MCPH1: variants seen among roughly 807,000 people sequenced by gnomAD.
The protein encoded by MCPH1 is microcephalin.
Under a neutral mutation model 84.5 loss-of-function variants are expected in MCPH1, and 104 were observed. That is an observed-to-expected ratio of 1.23 (90% CI 1.05 to 1.45). MCPH1 has a LOEUF of 1.45. Among genes scored for constraint, MCPH1 ranks in the 40% most tolerant of loss-of-function variants. The pLI, the probability that MCPH1 is intolerant of heterozygous loss-of-function variation, is 0.00. For missense variants in MCPH1, 1,498 were observed against 1,005.7 expected (o/e 1.49, Z -6.62); for synonymous variants, 514 against 366.8 (o/e 1.40, Z -4.58).
At chr8:6,494,562 G>A (rs1018446991) in intron 11 of MCPH1, 1 of 152,162 alleles carries the variant, frequency 6.6e-6, no homozygotes, top group Non-Finnish European at 1.5e-5. Context: ...TATTCAACAA[G>A]CATTTTTGAC....
chr8:6,441,684 A>G (rs74734288), intron 6 of MCPH1, among the ~76,000 whole-genome samples: 5,936 of 152,248 alleles, frequency 0.039, 333 homozygotes, highest in African/African-American at 0.13. Flanking sequence ...GCCTCTCCCC[A>G]CTAACACTAG....
intron 3 of MCPH1, among the ~76,000 whole-genome samples, chr8:6,419,559 ATT>A (rs34375855): frequency 3.2e-3 from 442 of 138,042 alleles, no homozygotes; most frequent in Admixed American, 3.0e-3. Flanking sequence ...CACCTGGCTA[ATT>A]TTTTTTTTTT....
intron 12 of MCPH1, among the ~76,000 whole-genome samples, chr8:6,531,007 A>T (rs530053061): frequency 5.6e-5 from 8 of 143,890 alleles, no homozygotes; most frequent in Admixed American, 2.0e-4. Context: ...CTCTTTTTTT[A>T]AAAGTATTCC....
At chr8:6,619,709 C>T (rs994297065) in intron 12 of MCPH1, among the ~76,000 whole-genome samples, 4 of 152,142 alleles carry the variant, frequency 2.6e-5, no homozygotes, top group African/African-American at 4.8e-5. Flanking sequence ...CTCAGCCTCC[C>T]GAGTAGCTGG....
intron 12 of MCPH1, among the ~76,000 whole-genome samples, chr8:6,585,703 AAG>A (rs571262503): frequency 9.7e-4 from 148 of 152,238 alleles, no homozygotes; most frequent in Non-Finnish European, 1.7e-3. Context: ...GGCCCATAGG[AAG>A]AGAGAGAAAT....
At chr8:6,573,610 G>T (rs746273059) in intron 12 of MCPH1, among the ~76,000 whole-genome samples, 1 of 151,700 alleles carries the variant, frequency 6.6e-6, no homozygotes, top group African/African-American at 2.4e-5. Context: ...GCCAAACCTG[G>T]CCAACTTAAG....
intron 9 of MCPH1, chr8:6,473,749 G>A: frequency 1.5e-6 from 1 of 646,978 alleles, no homozygotes; most frequent in South Asian, 3.4e-5. Context: ...TGCAACATGA[G>A]TTTAATAAAG....
intron 12 of MCPH1, among the ~76,000 whole-genome samples, chr8:6,538,950 A>T (rs1821003186): frequency 6.6e-6 from 1 of 152,168 alleles, no homozygotes; most frequent in Admixed American, 6.5e-5. Flanking sequence ...TCATGAGGAA[A>T]CTCTGAAACA....
At chr8:6,493,860 A>G (rs1267182130) in intron 11 of MCPH1, among the ~76,000 whole-genome samples, 2 of 152,200 alleles carry the variant, frequency 1.3e-5, no homozygotes, top group East Asian at 3.8e-4. Flanking sequence ...GCTGTTAGTC[A>G]AGACAGTAAT....
At chr8:6,640,656 C>G (rs1797883729) in intron 13 of MCPH1, among the ~76,000 whole-genome samples, 1 of 152,142 alleles carries the variant, frequency 6.6e-6, no homozygotes, top group Admixed American at 6.5e-5. Flanking sequence ...TTAAGTATTA[C>G]CAAGTTTTTA....
intron 3 of MCPH1, among the ~76,000 whole-genome samples, chr8:6,428,098 T>G (rs1440525392): frequency 6.6e-6 from 1 of 152,152 alleles, no homozygotes; most frequent in Non-Finnish European, 1.5e-5. Context: ...GTATTTTTTT[T>G]TTATTTGGCC....
intron 4 of MCPH1, among the ~76,000 whole-genome samples, chr8:6,432,199 G>T (rs190732181): frequency 6.6e-6 from 1 of 152,268 alleles, no homozygotes; most frequent in African/African-American, 2.4e-5. Flanking sequence ...CAAACTCCTG[G>T]CCCCAAGTGA....
At chr8:6,534,463 C>T (rs1820141611) in intron 12 of MCPH1, among the ~76,000 whole-genome samples, 1 of 152,108 alleles carries the variant, frequency 6.6e-6, no homozygotes, top group Non-Finnish European at 1.5e-5. Context: ...TGTACTAGAG[C>T]TCCAAGCATG....
chr8:6,618,747 A>AAACTT (rs1477328305), intron 12 of MCPH1: 1 of 152,178 alleles, frequency 6.6e-6, no homozygotes, highest in African/African-American at 2.4e-5. Flanking sequence ...CTAGAAACAA[A>AAACTT]AACTTAACAA....
Position 6,409,324 on chromosome 8 carries a change from A to G in MCPH1, c.68A>G (p.Asn23Ser). ...GTGTGGTCATCCAATGGAACAGAAAATTATTCAAAGACATTTACAACACAG... is the reference window on the plus strand; with the variant it reads ...GTGTGGTCATCCAATGGAACAGAAAGTTATTCAAAGACATTTACAACACAG... ...VEVWSSNGTENYSKTFTTQLV... is the reference protein window; with the variant it reads ...VEVWSSNGTESYSKTFTTQLV... Residue 23 changes from asparagine to serine, a missense_variant, in exon 2 of 14, where the codon AAT becomes AGT. Physicochemically the swap from Asn to Ser is conservative, Grantham distance 46. Transcript: ENST00000344683. The G allele has an allele frequency of 1.2e-6, 2 of 1,614,156 alleles. No individual in the cohort carries two copies. The highest frequency in any genetic ancestry group is 1.7e-6 in the Non-Finnish European group (2 of 1,180,000).
intron 12 of MCPH1, among the ~76,000 whole-genome samples, chr8:6,593,844 A>G (rs1828708218): frequency 6.6e-6 from 1 of 152,214 alleles, no homozygotes; most frequent in African/African-American, 2.4e-5. Context: ...GCAAAGATTG[A>G]GATCATTCCA....
chr8:6,558,541 C>G (rs927134688), intron 12 of MCPH1, among the ~76,000 whole-genome samples: 1 of 152,170 alleles, frequency 6.6e-6, no homozygotes, highest in Non-Finnish European at 1.5e-5. Context: ...TCTACGGTAA[C>G]TGGCTTACAG....
intron 9 of MCPH1, among the ~76,000 whole-genome samples, chr8:6,461,792 T>C (rs1019826106): frequency 5.9e-5 from 9 of 152,336 alleles, no homozygotes; most frequent in Admixed American, 3.9e-4. Context: ...GTTTTCTTTG[T>C]TACTTGTTGA....
chr8:6,513,710 A>AT (rs1815667598), intron 12 of MCPH1: 2 of 1,613,090 alleles, frequency 1.2e-6, no homozygotes, highest in Non-Finnish European at 1.7e-6. Flanking sequence ...AGAGATAGAA[A>AT]TGTTCATACA....
Sources: allele counts gnomAD v4.1 joint callset (sites outside exome capture counted in the v4.1 genomes callset), GRCh38; gene constraint gnomAD v4.1.1; transcripts MANE v1.5; gene names NCBI Gene and HGNC (gene_info 2026-07-23, HGNC 2026-07-21).